The following NEURL3 variants were observed in gnomAD, a reference collection of about 807,000 sequenced individuals.
NEURL3 encodes neuralized E3 ubiquitin protein ligase 3.
Under a neutral mutation model 17.6 loss-of-function variants are expected in NEURL3, and 19 were observed. The ratio of observed to expected loss-of-function variants is 1.08; its 90% CI spans 0.75 to 1.58. The LOEUF is 1.58. NEURL3 is among the 40% of genes most tolerant of loss of function. The pLI, the probability that NEURL3 is intolerant of heterozygous loss-of-function variation, is 0.00. For synonymous variants in NEURL3, 180 were observed against 161.4 expected, an observed-to-expected ratio of 1.11 and a Z score of -0.87; for missense variants, 342 against 379.6, an observed-to-expected ratio of 0.90 and a Z score of 0.82.
intron 3 of NEURL3, 189 bp downstream of exon 3, chr2:96,499,189 C>T: frequency 7.1e-7 from 1 of 1,399,908 alleles, no homozygotes; most frequent in Admixed American, 3.0e-5. Context: ...TTATAACTCA[C>T]AGAGTAGGCA....
chr2:96,504,737 G>A (rs1326823624), intron 1 of NEURL3: 6 of 152,604 alleles, frequency 3.9e-5, no homozygotes, highest in African/African-American at 9.7e-5. Flanking sequence ...AATTAGCCGG[G>A]TGTGGTGGCG....
chr2:96,503,068 A>G (rs2065525425), intron 1 of NEURL3, among the ~76,000 whole-genome samples: 1 of 152,138 alleles, frequency 6.6e-6, no homozygotes, highest in South Asian at 2.1e-4. Flanking sequence ...CCCGGGACAG[A>G]GGCTGGCTCC....
chr2:96,505,852 A>G (rs1451855153), upstream of NEURL3, among the ~76,000 whole-genome samples: 1 of 152,314 alleles, frequency 6.6e-6, no homozygotes, highest in Non-Finnish European at 1.5e-5. Context: ...TGCACCTCCA[A>G]CAGAAAGGAG....
rs1157285400 is a variant in NEURL3 at position 96,504,877 on chromosome 2, CA to C, written c.28+381del. ...TGGGCAACAGAGCGAGACTCCGTCT[CA>C]AAAAAAAAAAAAAAAAAAAAAAGAC... On this transcript the variant is annotated intron_variant, in intron 1 of 3. Coordinates refer to ENST00000451794, the MANE Select transcript of NEURL3 (RefSeq NM_001285485.2). Among the ~76,000 whole-genome samples the C allele has an allele frequency of 5.5e-3, 302 of 55,280 alleles. 1 individual carries two copies. The highest frequency in any genetic ancestry group is 0.015 in the African/African-American group (241 of 15,844). 36.3% of individuals were successfully genotyped at this position (55,280 alleles called of 152,430 possible). A position where few individuals can be genotyped will look rare whatever the true frequency, so the allele number is the denominator to read the frequency against.
At chr2:96,504,552 T>G (rs2065542580) in intron 1 of NEURL3, 4 of 152,264 alleles carry the variant, frequency 2.6e-5, no homozygotes, top group Admixed American at 6.5e-5. Flanking sequence ...GGTCCAGAGA[T>G]GCACAACCCC....
chr2:96,502,741 C>T (rs1011290530), intron 1 of NEURL3, among the ~76,000 whole-genome samples: 32 of 152,322 alleles, frequency 2.1e-4, no homozygotes, highest in African/African-American at 6.5e-4. Flanking sequence ...TGGCCCTGGA[C>T]GAGGGGCGGT....
Position 96,499,456 on chromosome 2 carries a change from C to A in NEURL3, c.515-7G>T, listed in dbSNP as rs1558598685. 9 of 1,599,426 alleles carry A rather than the reference C, an allele frequency of 5.6e-6. No homozygotes were observed. The East Asian group carries it at 2.0e-4, about 36-fold the overall frequency. ...AGCCGGCTGGCTGTGGGATCTGAGG[C>A]AGAGAGAGAAACTCAGGTCCAGGAC... On this transcript the variant is annotated splice_region_variant and splice_polypyrimidine_tract_variant and intron_variant, in intron 2 of 3. Transcript: ENST00000451794.
intron 1 of NEURL3, among the ~76,000 whole-genome samples, chr2:96,504,023 G>GC (rs765805112): frequency 6.6e-6 from 1 of 152,218 alleles, no homozygotes; most frequent in Non-Finnish European, 1.5e-5. Flanking sequence ...TACTCCACCT[G>GC]CCCCGGGGTC....
chr2:96,499,058 G>T, intron 3 of NEURL3: 1 of 713,964 alleles, frequency 1.4e-6, no homozygotes, highest in Non-Finnish European at 2.0e-6. Flanking sequence ...GATTACAGGT[G>T]TGAGCCACTG....
At chr2:96,500,098 T>C (rs2065486841) in intron 2 of NEURL3, 2 of 323,030 alleles carry the variant, frequency 6.2e-6, no homozygotes, top group Non-Finnish European at 5.8e-6. Context: ...TCCCTTTGCT[T>C]GCCACCTTTG....
At chr2:96,507,244 C>G (rs2065568459), upstream of NEURL3, among the ~76,000 whole-genome samples, 1 of 152,192 alleles carries the variant, frequency 6.6e-6, no homozygotes, top group South Asian at 2.1e-4. Flanking sequence ...GATGCCCACT[C>G]TTCATGAAAC....
At chr2:96,500,325 G>T in intron 2 of NEURL3, 114 bp downstream of exon 2, 2 of 1,456,154 alleles carry the variant, frequency 1.4e-6, no homozygotes, top group South Asian at 1.2e-5. Context: ...ACTGGGCAGG[G>T]GCTGATGGAA....
intron 1 of NEURL3, chr2:96,504,480 G>A (rs1573159502): frequency 6.6e-6 from 1 of 152,344 alleles, no homozygotes; most frequent in East Asian, 1.9e-4. Context: ...GTGAGCCCAT[G>A]GTGCCCACCA....
intron 1 of NEURL3, among the ~76,000 whole-genome samples, chr2:96,502,050 T>C (rs1165892148): frequency 6.6e-6 from 1 of 152,106 alleles, no homozygotes; most frequent in Non-Finnish European, 1.5e-5. Flanking sequence ...GCGGTGACAG[T>C]GACTCTGTCC....
chr2:96,497,824 G>T lies in NEURL3; in HGVS notation c.*420C>A, dbSNP rs373502085. The T allele has an allele frequency of 1.8e-5, 3 of 167,232 alleles. No individual in the cohort carries two copies. Among genetic ancestry groups the T allele is most frequent in the Non-Finnish European group, 3.8e-5 (3 of 77,970 alleles). 10.4% of individuals were successfully genotyped at this position (167,232 alleles called of 1,614,324 possible). On this transcript the variant is annotated 3_prime_UTR_variant, in exon 4 of 4. Coordinates refer to ENST00000451794, the MANE Select transcript of NEURL3 (RefSeq NM_001285485.2). The stretch of plus-strand genomic sequence containing the variant: ...TACAGATCCACTCTACTGGGGACTT[G>T]TGGGAGGCAACCCAGCTTCCATGTG...
rs2104606393 is a variant in NEURL3 at position 96,500,463 on chromosome 2, T to G, written c.490A>C (p.Thr164Pro). The part of the protein sequence containing the change: ...PLWAVMDVYG[T>P]TKAIELLDPT... ...CCCAGCAGCTCGATGGCCTTAGTGG[T>G]CCCATACACGTCCATCACGGCCCAG... The change falls in exon 2 of 4, where the codon ACC becomes CCC. Residue 164 changes from threonine to proline, a missense_variant. Physicochemically the swap from Thr to Pro is conservative, Grantham distance 38. Coordinates refer to ENST00000451794, the MANE Select transcript of NEURL3 (RefSeq NM_001285485.2). 6.3e-7 allele frequency: 1 copy of G among 1,597,272 alleles called. No individual in the cohort carries two copies. The highest frequency in any genetic ancestry group is 8.5e-7 in the Non-Finnish European group (1 of 1,179,214).
In NEURL3 at chr2:96,497,988, AT is replaced by A. The variant is rs1452012375; in HGVS notation, c.*255del. ...AACTGATTGGGGATTGGGCCACCCC[AT>A]CTCTAAACAAAGCACCCCATCAGAA... On this transcript the variant is annotated 3_prime_UTR_variant, in exon 4 of 4. Coordinates refer to ENST00000451794, the MANE Select transcript of NEURL3 (RefSeq NM_001285485.2). 2.0e-6 allele frequency: 1 copy of A among 488,016 alleles called. No individual in the cohort carries two copies. The highest frequency in any genetic ancestry group is 3.6e-6 in the Non-Finnish European group (1 of 274,354). The allele number at this position is 488,016 out of a possible 1,614,324, so 30.2% of individuals were successfully genotyped here. A position where few individuals can be genotyped will look rare whatever the true frequency, so the allele number is the denominator to read the frequency against.
chr2:96,500,536 G>A lies in NEURL3; in HGVS notation c.417C>T (p.Ala139=), dbSNP rs771674788. The A allele has an allele frequency of 5.7e-6, 9 of 1,575,166 alleles. No homozygotes were observed. The highest frequency in any genetic ancestry group is 5.3e-5 in the Admixed American group (3 of 56,216). ...RRGCLFAKVN[A]GCRLLLREGV... ...CCTCACGCAGCAGGAGCCGGCAGCCGGCGTTGACCTTGGCGAAGAGGCAGC... is the reference window on the plus strand; with the variant it reads ...CCTCACGCAGCAGGAGCCGGCAGCCAGCGTTGACCTTGGCGAAGAGGCAGC... Residue 139 remains alanine (A), a synonymous_variant, in exon 2 of 4, where the codon GCC becomes GCT. Coordinates refer to ENST00000451794, the MANE Select transcript of NEURL3 (RefSeq NM_001285485.2).
chr2:96,500,106 T>G, intron 2 of NEURL3: 1 of 337,060 alleles, frequency 3.0e-6, no homozygotes, highest in Non-Finnish European at 5.5e-6. Context: ...CTTGCCACCT[T>G]TGTATCTAGT....
Sources: gnomAD v4.1 joint callset for allele counts (sites outside exome capture counted in the v4.1 genomes callset) on GRCh38, gnomAD v4.1.1 for gene constraint, MANE v1.5 for transcripts, NCBI Gene and HGNC (gene_info 2026-07-23, HGNC 2026-07-21) for gene names.